Variants in MTOR observed in about 807,000 individuals in gnomAD.
The protein encoded by MTOR is serine/threonine-protein kinase mTOR.
Under a neutral mutation model 319.8 loss-of-function variants are expected in MTOR, and 70 were observed. The observed-to-expected ratio is 0.22, with a 90% confidence interval of 0.18 to 0.27. The LOEUF (loss-of-function observed/expected upper bound fraction) is 0.27. MTOR is among the 10% of genes least tolerant of loss of function. The probability of loss-of-function intolerance (pLI) is 1.00; values close to 1 mark genes in which losing one functional copy is unlikely to be tolerated. For missense variants in MTOR, 1,890 were observed against 3,274.4 expected (o/e 0.58, Z 10.32); for synonymous variants, 1,183 against 1,211.4 (o/e 0.98, Z 0.49).
At chr1:11,155,400 T>C (rs1644286321) in intron 30 of MTOR, among the ~76,000 whole-genome samples, 1 of 151,954 alleles carries the variant, frequency 6.6e-6, no homozygotes, top group Non-Finnish European at 1.5e-5. Context: ...CTGAATATTT[T>C]AAGAAAATGG....
At chr1:11,218,834 C>T (rs568769700) in intron 19 of MTOR, among the ~76,000 whole-genome samples, 42 of 152,104 alleles carry the variant, frequency 2.8e-4, no homozygotes, top group African/African-American at 9.9e-4. Flanking sequence ...AAATATGATG[C>T]ACTAGATCTC....
chr1:11,238,965 A>G (rs1001706414), intron 11 of MTOR, among the ~76,000 whole-genome samples: 2 of 149,342 alleles, frequency 1.3e-5, no homozygotes, highest in Non-Finnish European at 3.0e-5. Context: ...TATTAGAGAC[A>G]GCGTTTCACC....
intron 56 of MTOR, 60 bp from the exon 57 acceptor site, chr1:11,108,346 TC>T (rs1301713836): frequency 1.5e-6 from 2 of 1,303,160 alleles, no homozygotes; most frequent in Non-Finnish European, 2.2e-6. Flanking sequence ...CACTTCTTGT[TC>T]CCTGTGGGCT....
At chr1:11,162,072 T>C (rs567969526) in intron 29 of MTOR, among the ~76,000 whole-genome samples, 27 of 152,022 alleles carry the variant, frequency 1.8e-4, no homozygotes, top group Middle Eastern at 3.4e-3. Context: ...GAATAACTGG[T>C]GTAGAGAAGA....
At chr1:11,218,666 T>G (rs1646558056) in intron 19 of MTOR, among the ~76,000 whole-genome samples, 2 of 152,106 alleles carry the variant, frequency 1.3e-5, no homozygotes, top group African/African-American at 4.8e-5. Context: ...TTCCGTGGCT[T>G]ATTCATAAGG....
chr1:11,236,508 CG>C (rs1013863876), intron 13 of MTOR, among the ~76,000 whole-genome samples: 3 of 145,254 alleles, frequency 2.1e-5, no homozygotes, highest in African/African-American at 5.1e-5. Flanking sequence ...AGTGATTTCA[CG>C]TTTTTTTTTT....
intron 13 of MTOR, among the ~76,000 whole-genome samples, chr1:11,237,193 AGGCAGGACTGGTGTATT>A (rs1396023907): frequency 2.4e-4 from 37 of 152,278 alleles, no homozygotes; most frequent in Admixed American, 6.5e-4. Flanking sequence ...TAACTTCACC[AGGCAGGACTGGTGTATT>A]GGCAGGACTC....
intron 34 of MTOR, among the ~76,000 whole-genome samples, chr1:11,143,259 C>A (rs951741900): frequency 6.6e-5 from 10 of 152,338 alleles, no homozygotes; most frequent in African/African-American, 2.4e-4. Context: ...AAGGTGGTGG[C>A]AGTGTCCTGG....
chr1:11,253,644 C>G (rs1157964826), intron 6 of MTOR, among the ~76,000 whole-genome samples, 195 bp downstream of exon 6: 2 of 152,196 alleles, frequency 1.3e-5, no homozygotes, highest in East Asian at 3.9e-4. Context: ...CACTCACCCC[C>G]TCCCCATCAC....
Position 11,259,374 on chromosome 1 carries a change from A to AGCGGTGGTG in MTOR, c.27_35dup (p.Thr10_Ala12dup). 6.3e-7 allele frequency: 1 copy of AGCGGTGGTG among 1,597,116 alleles called. No homozygotes were observed. The highest frequency in any genetic ancestry group is 8.5e-7 in the Non-Finnish European group (1 of 1,173,790). Reference sequence around the variant, plus strand: ...CGCTCACATTGCTAGATGTGGTGGCAGCGGTGGTGGCGGCGGCAGGTCCGG... The same window carrying AGCGGTGGTG: ...CGCTCACATTGCTAGATGTGGTGGCAGCGGTGGTGGCGGTGGTGGCGGCGGCAGGTCCGG... On this transcript the variant is annotated inframe_insertion, in exon 2 of 58. Transcript: ENST00000361445.
intron 16 of MTOR, among the ~76,000 whole-genome samples, chr1:11,231,783 T>C (rs1159047569): frequency 6.6e-6 from 1 of 152,166 alleles, no homozygotes; most frequent in Non-Finnish European, 1.5e-5. Context: ...TGGAATGCAG[T>C]GGTGTGATAA....
intron 34 of MTOR, 75 bp downstream of exon 34, chr1:11,144,573 T>G (rs983196243): frequency 7.9e-7 from 1 of 1,262,624 alleles, no homozygotes. Flanking sequence ...AGAGCCAGGG[T>G]GGAGGGGGGC....
At chr1:11,197,617 T>C (rs968370978) in intron 28 of MTOR, among the ~76,000 whole-genome samples, 9 of 152,244 alleles carry the variant, frequency 5.9e-5, no homozygotes, top group South Asian at 4.1e-4. Context: ...TCTTGGCTCA[T>C]TGCAACCTCC....
At position 11,108,405 on chromosome 1, in the gene MTOR, A is replaced by G. The variant is rs1220722728; in HGVS notation, c.7529-119T>C. The G allele has an allele frequency of 8.6e-6, 7 of 814,914 alleles. No individual in the cohort carries two copies. The African/African-American group carries it at 1.2e-4, about 14-fold the overall frequency. The allele number at this position is 814,914 out of a possible 1,614,324, so 50.5% of individuals were successfully genotyped here. On this transcript the variant is annotated intron_variant, in intron 56 of 57. Transcript: ENST00000361445. ...ATCGTCAGACATGAAGATGAAGGATACCATCATAGTTGGATTTGAAAAGTT... is the reference window on the plus strand; with the variant it reads ...ATCGTCAGACATGAAGATGAAGGATGCCATCATAGTTGGATTTGAAAAGTT...
At chr1:11,250,853 A>G (rs1346772991) in intron 6 of MTOR, among the ~76,000 whole-genome samples, 1 of 152,140 alleles carries the variant, frequency 6.6e-6, no homozygotes, top group African/African-American at 2.4e-5. Context: ...CCTAATACTC[A>G]GGCCAAACAC....
intron 20 of MTOR, among the ~76,000 whole-genome samples, chr1:11,214,851 T>C (rs1397365995): frequency 6.6e-6 from 1 of 152,188 alleles, no homozygotes; most frequent in Non-Finnish European, 1.5e-5. Flanking sequence ...CTGCCTTCTT[T>C]AGAGAAGGCC....
intron 17 of MTOR, 114 bp from the exon 18 acceptor site, chr1:11,231,168 G>C: frequency 1.3e-6 from 2 of 1,584,424 alleles, no homozygotes; most frequent in East Asian, 2.2e-5. Flanking sequence ...CAAATGACCA[G>C]CTACATGAAC....
At chr1:11,192,314 A>G (rs775034598) in intron 28 of MTOR, 3 of 1,613,952 alleles carry the variant, frequency 1.9e-6, no homozygotes, top group Non-Finnish European at 2.5e-6. Context: ...GAACTACCGC[A>G]TCTCTGGAGT....
At chr1:11,176,705 T>C (rs1173199291) in intron 28 of MTOR, among the ~76,000 whole-genome samples, 2 of 152,206 alleles carry the variant, frequency 1.3e-5, no homozygotes, top group Admixed American at 6.5e-5. Context: ...CTAACCACTG[T>C]ATCAAGCAGT....
Sources: allele counts gnomAD v4.1 joint callset (sites outside exome capture counted in the v4.1 genomes callset), GRCh38; gene constraint gnomAD v4.1.1; transcripts MANE v1.5; gene names NCBI Gene and HGNC (gene_info 2026-07-23, HGNC 2026-07-21).